BBS9: variants seen among roughly 807,000 people sequenced by gnomAD.
BBS9 encodes protein PTHB1.
BBS9 carries 89 observed loss-of-function variants against 117.7 expected under a neutral mutation model. The observed-to-expected ratio is 0.76, with a 90% CI of 0.64 to 0.90. BBS9 has a LOEUF of 0.90. Among genes scored for constraint, BBS9 ranks in the 40% least tolerant of loss-of-function variants. The pLI is 0.00. For missense variants in BBS9, 982 were observed against 1,042.2 expected (o/e 0.94, Z 0.80); for synonymous variants, 379 against 370.9 (o/e 1.02, Z -0.25).
chr7:33,241,506 T>A (rs1222562965), intron 5 of BBS9, among the ~76,000 whole-genome samples: 1 of 152,174 alleles, frequency 6.6e-6, no homozygotes, highest in African/African-American at 2.4e-5. Flanking sequence ...CTTTGAATGT[T>A]GCTTTTTCCA....
intron 11 of BBS9, among the ~76,000 whole-genome samples, chr7:33,341,864 G>A (rs1320248182): frequency 6.6e-6 from 1 of 152,070 alleles, no homozygotes; most frequent in Non-Finnish European, 1.5e-5. Context: ...GCACTTGTTA[G>A]GATGTGATTG....
intron 19 of BBS9, among the ~76,000 whole-genome samples, chr7:33,485,672 G>T (rs966281995): frequency 6.6e-6 from 1 of 152,140 alleles, no homozygotes; most frequent in East Asian, 1.9e-4. Context: ...TTTCTTCTGA[G>T]TCTTTATAAG....
chr7:33,230,331 A>G (rs1361067654), intron 5 of BBS9, among the ~76,000 whole-genome samples: 2 of 152,148 alleles, frequency 1.3e-5, no homozygotes, highest in Non-Finnish European at 2.9e-5. Flanking sequence ...TGCCAAGGCC[A>G]ATGTCCAGGA....
At chr7:33,239,677 C>G (rs1285183376) in intron 5 of BBS9, among the ~76,000 whole-genome samples, 3 of 152,102 alleles carry the variant, frequency 2.0e-5, no homozygotes, top group Admixed American at 1.3e-4. Flanking sequence ...CTTTCCTATA[C>G]TAACATTCTA....
intron 19 of BBS9, among the ~76,000 whole-genome samples, chr7:33,476,286 A>C (rs1841794127): frequency 6.6e-6 from 1 of 152,140 alleles, no homozygotes; most frequent in Non-Finnish European, 1.5e-5. Flanking sequence ...TGGACTATTT[A>C]TATGGGTAAT....
chr7:33,473,367 G>A lies in BBS9; in HGVS notation c.2116-32096G>A, dbSNP rs191607063. On this transcript the variant is annotated intron_variant, in intron 19 of 22. Coordinates refer to ENST00000242067, the MANE Select transcript of BBS9 (RefSeq NM_198428.3). ...GAGGCAGAGTCTTGCTCTGTCACCC[G>A]GGCTGGAGTGTAGTGGCACAATCTT... Among the ~76,000 whole-genome samples the A allele has an allele frequency of 6.0e-3, 663 of 110,962 alleles. 7 individuals carry two copies. Among genetic ancestry groups the A allele is most frequent in the African/African-American group, 0.021 (616 of 28,818 alleles). 72.8% of individuals were successfully genotyped at this position (110,962 alleles called of 152,430 possible). A position where few individuals can be genotyped will look rare whatever the true frequency, so the allele number is the denominator to read the frequency against.
intron 19 of BBS9, among the ~76,000 whole-genome samples, chr7:33,423,326 T>G (rs1445606764): frequency 1.3e-5 from 2 of 152,134 alleles, no homozygotes; most frequent in Non-Finnish European, 2.9e-5. Flanking sequence ...ATCACCTTGC[T>G]GTAACCACTG....
intron 14 of BBS9, 42 bp from the exon 15 acceptor site, chr7:33,352,817 T>C: frequency 1.2e-6 from 2 of 1,605,960 alleles, no homozygotes; most frequent in Non-Finnish European, 1.7e-6. Flanking sequence ...TTTGTTGCCT[T>C]CTTTTCCCCC....
chr7:33,151,699 G>A (rs1220109016), intron 2 of BBS9, among the ~76,000 whole-genome samples: 6 of 151,968 alleles, frequency 3.9e-5, no homozygotes, highest in Non-Finnish European at 7.4e-5. Context: ...ACGGGCATGC[G>A]CCACCACACC....
At chr7:33,507,729 A>C (rs148209337) in intron 20 of BBS9, among the ~76,000 whole-genome samples, 490 of 152,332 alleles carry the variant, frequency 3.2e-3, no homozygotes, top group Non-Finnish European at 5.9e-3. Flanking sequence ...CAAAGAATAG[A>C]TGCAGTGGAT....
At chr7:33,344,488 T>C (rs547233975) in intron 11 of BBS9, 93 bp from the exon 12 acceptor site, 9 of 1,104,426 alleles carry the variant, frequency 8.1e-6, no homozygotes, top group Non-Finnish European at 1.3e-5. Context: ...CCTATTTTGA[T>C]AGTAGGAAAT....
rs1275654531 is a variant in BBS9, at chr7:33,535,749, G to C, written c.2521+1573G>C. 5.3e-5 allele frequency among the ~76,000 whole-genome samples: 8 copies of C among 151,238 alleles called. No individual in the cohort carries two copies. In the East Asian group the frequency reaches 1.6e-3, roughly 30 times the overall value. On this transcript the variant is annotated intron_variant, in intron 21 of 22. Transcript: ENST00000242067. ...ACTCTCCCTCCCTGCTTGCCCACAG[G>C]AAAAACAAAGGAGACTTGAGGGAAA... is the stretch of plus-strand genomic sequence containing the variant.
intron 17 of BBS9, among the ~76,000 whole-genome samples, chr7:33,371,980 T>C (rs949476806): frequency 6.6e-6 from 1 of 152,104 alleles, no homozygotes; most frequent in African/African-American, 2.4e-5. Flanking sequence ...TCTGAGATGG[T>C]AAGGAAATCG....
chr7:33,280,920 T>G (rs867983198), intron 9 of BBS9, among the ~76,000 whole-genome samples: 82 of 147,666 alleles, frequency 5.6e-4, no homozygotes, highest in Admixed American at 8.8e-4. Context: ...TGTTTTTTTT[T>G]TTTTTTTTTT....
chr7:33,341,538 A>C (rs1446228900), intron 11 of BBS9, among the ~76,000 whole-genome samples: 1 of 152,136 alleles, frequency 6.6e-6, no homozygotes, highest in African/African-American at 2.4e-5. Flanking sequence ...TCTCATCCAC[A>C]AAATGGGAAT....
chr7:33,456,762 A>G (rs1838713231), intron 19 of BBS9, among the ~76,000 whole-genome samples: 1 of 152,214 alleles, frequency 6.6e-6, no homozygotes, highest in Non-Finnish European at 1.5e-5. Context: ...CATCTCTTAC[A>G]GAGTGTCAGA....
chr7:33,414,992 A>T (rs980272808), intron 19 of BBS9, among the ~76,000 whole-genome samples: 1 of 152,158 alleles, frequency 6.6e-6, no homozygotes, highest in African/African-American at 2.4e-5. Context: ...CTAAAACAAC[A>T]ACAATAAAAA....
chr7:33,352,714 A>G, intron 14 of BBS9, 145 bp from the exon 15 acceptor site: 5 of 855,326 alleles, frequency 5.8e-6, no homozygotes, highest in Non-Finnish European at 9.8e-6. Context: ...GTGTTTGGAG[A>G]GTCATTTAAG....
In BBS9 at chr7:33,149,965, C is replaced by T. The variant is rs567066498; in HGVS notation, c.113-2736C>T. 1.4e-3 allele frequency among the ~76,000 whole-genome samples: 218 copies of T among 152,234 alleles called. No individual in the cohort carries two copies. The Middle Eastern group carries it at 0.02, about 14-fold the overall frequency. ...TGGGGATTTAGGGCATGACAGGATA[C>T]ATGGGAAGCTCAGCGGGGAATGTTT... On this transcript the variant is annotated intron_variant, in intron 2 of 22. Transcript: ENST00000242067.
Sources: allele counts gnomAD v4.1 joint callset (sites outside exome capture counted in the v4.1 genomes callset), GRCh38; gene constraint gnomAD v4.1.1; transcripts MANE v1.5; gene names NCBI Gene and HGNC (gene_info 2026-07-23, HGNC 2026-07-21).